TRERF1: variants seen among roughly 807,000 people sequenced by gnomAD.
TRERF1 encodes the protein transcriptional regulating factor 1.
A neutral mutation model predicts 122.9 loss-of-function variants in TRERF1; 27 were observed. The observed-to-expected ratio is 0.22, with a 90% confidence interval of 0.16 to 0.30. TRERF1 has a LOEUF of 0.30. Ranked by LOEUF, TRERF1 falls within the 10% of genes least tolerant of loss-of-function variation. The pLI is 1.00. For missense variants in TRERF1, 1,248 were observed against 1,560.3 expected (o/e 0.80, Z 3.37); for synonymous variants, 636 against 641.7 (o/e 0.99, Z 0.13).
At chr6:42,326,180 A>T (rs75919638) in intron 3 of TRERF1, among the ~76,000 whole-genome samples, 19,639 of 150,156 alleles carry the variant, frequency 0.13, 2,383 homozygotes, top group African/African-American at 0.33. Context: ...AAATTGAAAT[A>T]AAAAAAAAAT....
At chr6:42,238,322 C>T (rs1055081342) in intron 15 of TRERF1, among the ~76,000 whole-genome samples, 4 of 152,284 alleles carry the variant, frequency 2.6e-5, no homozygotes, top group Middle Eastern at 6.8e-3. Flanking sequence ...AGAAATGTTC[C>T]ATATAGCCAC....
At chr6:42,293,077 C>T (rs1272026826) in intron 4 of TRERF1, among the ~76,000 whole-genome samples, 2 of 152,200 alleles carry the variant, frequency 1.3e-5, no homozygotes, top group Non-Finnish European at 2.9e-5. Context: ...CTGGAGTGGC[C>T]TCTGTGGCCA....
intron 6 of TRERF1, 126 bp downstream of exon 6, chr6:42,265,625 A>G (rs1779005556): frequency 9.5e-7 from 1 of 1,049,054 alleles, no homozygotes; most frequent in South Asian, 1.4e-5. Context: ...CAAACACAAC[A>G]GCTGCTATTA....
intron 2 of TRERF1, among the ~76,000 whole-genome samples, chr6:42,384,086 A>T (rs1014114934): frequency 1.3e-5 from 2 of 151,974 alleles, no homozygotes; most frequent in African/African-American, 4.8e-5. Context: ...AGTATCACAA[A>T]TGTAGAGATG....
Position 42,232,561 on chromosome 6 carries a change from G to A in TRERF1, c.3278+120C>T, listed in dbSNP as rs1770773997. ...CCCATCCCAAAGATGACACGAAGAA[G>A]AGTTTTGAGGTCTAAGTTCTTTTTT... On this transcript the variant is annotated intron_variant, in intron 17 of 17. Transcript: ENST00000372922. The surrounding 1 kb of genome is among the most constrained non-coding windows in gnomAD (Gnocchi z 4.5). The A allele has an allele frequency of 7.8e-7, 1 of 1,288,728 alleles. No homozygotes were observed. The highest frequency in any genetic ancestry group is 1.0e-6 in the Non-Finnish European group (1 of 959,644). The allele number at this position is 1,288,728 out of a possible 1,614,324, so 79.8% of individuals were successfully genotyped here.
intron 2 of TRERF1, among the ~76,000 whole-genome samples, chr6:42,442,780 T>C (rs1389379199): frequency 6.6e-6 from 1 of 152,238 alleles, no homozygotes; most frequent in Admixed American, 6.5e-5. Context: ...ATATATTCTG[T>C]ACCACATTCT....
At chr6:42,246,465 T>C in exon 14 of TRERF1, 2 of 1,590,924 alleles carry the variant, frequency 1.3e-6, no homozygotes, top group East Asian at 2.3e-5. Context: ...CCATCTTCTG[T>C]ACAAAAATAA....
intron 2 of TRERF1, among the ~76,000 whole-genome samples, chr6:42,384,844 G>A (rs563901903): frequency 2.6e-5 from 4 of 151,368 alleles, no homozygotes; most frequent in South Asian, 2.1e-4. Flanking sequence ...TCACTGTGTC[G>A]CCCAGGCTGG....
intron 3 of TRERF1, among the ~76,000 whole-genome samples, chr6:42,311,626 C>T (rs914651188): frequency 2.0e-5 from 3 of 151,762 alleles, no homozygotes; most frequent in Non-Finnish European, 2.9e-5. Flanking sequence ...ATTAGCCGGG[C>T]GTTGTGGCGG....
At chr6:42,286,084 C>T (rs1459504583) in intron 4 of TRERF1, among the ~76,000 whole-genome samples, 1 of 150,688 alleles carries the variant, frequency 6.6e-6, no homozygotes, top group Non-Finnish European at 1.5e-5. Context: ...AACTGGCTAG[C>T]CATATGTAGA....
chr6:42,246,838 A>G (rs1467041979), intron 13 of TRERF1, among the ~76,000 whole-genome samples: 1 of 152,230 alleles, frequency 6.6e-6, no homozygotes, highest in East Asian at 1.9e-4. Flanking sequence ...GTGAAGGTTA[A>G]AGAAGATAAT....
chr6:42,401,432 C>T (rs1053442537), intron 2 of TRERF1, among the ~76,000 whole-genome samples: 4 of 152,172 alleles, frequency 2.6e-5, no homozygotes, highest in African/African-American at 7.2e-5. Flanking sequence ...TCATCAAATG[C>T]TTAAAACCAC....
rs1404516660 is a variant in TRERF1 at position 42,448,897 on chromosome 6, G to A, written c.-454+2280C>T. ...CATTTGTCAAAAAAATAACGCTTTCGGTTATTATAACCAACCCACCCATTA... is the reference window on the plus strand; with the variant it reads ...CATTTGTCAAAAAAATAACGCTTTCAGTTATTATAACCAACCCACCCATTA... On this transcript the variant is annotated intron_variant, in intron 2 of 17. Coordinates refer to ENST00000372922, the Ensembl canonical transcript of TRERF1. Among the ~76,000 whole-genome samples, 6 of 152,030 alleles carry A rather than the reference G, an allele frequency of 3.9e-5. No homozygotes were observed. The East Asian group carries it at 7.7e-4, about 20-fold the overall frequency.
chr6:42,346,792 T>C (rs1176609811), intron 3 of TRERF1, among the ~76,000 whole-genome samples: 2 of 152,140 alleles, frequency 1.3e-5, no homozygotes, highest in Non-Finnish European at 2.9e-5. Flanking sequence ...AGGGATGCTA[T>C]GAAGTTGCCT....
At chr6:42,414,244 AT>A (rs1421688534) in intron 2 of TRERF1, among the ~76,000 whole-genome samples, 1 of 152,220 alleles carries the variant, frequency 6.6e-6, no homozygotes, top group Non-Finnish European at 1.5e-5. Context: ...ATGTGTAAAC[AT>A]TTTTTAGCCA....
At chr6:42,433,641 T>C (rs1419993951) in intron 2 of TRERF1, among the ~76,000 whole-genome samples, 2 of 151,966 alleles carry the variant, frequency 1.3e-5, no homozygotes, top group Non-Finnish European at 2.9e-5. Flanking sequence ...TGTCAGGAAA[T>C]AGGACCAAAC....
At chr6:42,291,531 GTTGT>G (rs750209759) in intron 4 of TRERF1, among the ~76,000 whole-genome samples, 23 of 151,416 alleles carry the variant, frequency 1.5e-4, no homozygotes, top group Non-Finnish European at 2.4e-4. Flanking sequence ...TTTCGTTTTT[GTTGT>G]TTGTTTGTTT....
intron 3 of TRERF1, among the ~76,000 whole-genome samples, chr6:42,333,057 T>C (rs952992822): frequency 1.3e-5 from 2 of 152,176 alleles, no homozygotes; most frequent in Non-Finnish European, 2.9e-5. Context: ...TGGAGGTTAA[T>C]AGGGAAGTTG....
chr6:42,260,887 C>T (rs1777719696), intron 8 of TRERF1, among the ~76,000 whole-genome samples: 1 of 152,162 alleles, frequency 6.6e-6, no homozygotes, highest in East Asian at 1.9e-4. Context: ...TCTGTTTCTC[C>T]CTCAGCTTCT....
Sources: gnomAD v4.1 joint callset for allele counts (sites outside exome capture counted in the v4.1 genomes callset) on GRCh38, gnomAD v4.1.1 for gene constraint, Gnocchi (gnomAD v3.1) non-coding constraint, MANE v1.5 for transcripts, NCBI Gene and HGNC (gene_info 2026-07-23, HGNC 2026-07-21) for gene names.